The following PDZRN4 variants were observed in gnomAD, a reference collection of about 807,000 sequenced individuals.
PDZRN4 encodes PDZ domain-containing RING finger protein 4.
In PDZRN4, 70 loss-of-function variants were observed where a neutral mutation model predicts 99.0. The ratio of observed to expected loss-of-function variants is 0.71; its 90% confidence interval spans 0.58 to 0.86. The LOEUF (loss-of-function observed/expected upper bound fraction) is 0.86. PDZRN4 is among the 40% of genes least tolerant of loss of function. PDZRN4 has a pLI of 0.00. For synonymous variants in PDZRN4, 551 were observed against 501.6 expected, an observed-to-expected ratio of 1.10 and a Z score of -1.32; for missense variants, 1,474 against 1,331.2, an observed-to-expected ratio of 1.11 and a Z score of -1.67.
intron 7 of PDZRN4, among the ~76,000 whole-genome samples, chr12:41,559,464 T>G (rs1565615355): frequency 6.6e-6 from 1 of 152,020 alleles, no homozygotes; most frequent in Non-Finnish European, 1.5e-5. Flanking sequence ...ATAACAAGAG[T>G]AAAAGACCAC....
chr12:41,194,117 G>T lies in PDZRN4; in HGVS notation c.772G>T (p.Val258Phe). Reference sequence around the variant, plus strand: ...AGGAACATCGACTGAAGGAATTTACGTTTCAAAAATTTTAGAAAATGGACC... The same window carrying T: ...AGGAACATCGACTGAAGGAATTTACTTTTCAAAAATTTTAGAAAATGGACC... ...QEGTSTEGIY[V>F]SKILENGPAD... Residue 258 changes from valine to phenylalanine, a missense_variant, in exon 3 of 10, where the codon GTT (valine) becomes TTT (phenylalanine). Physicochemically the swap from Val to Phe is conservative, Grantham distance 50. Coordinates refer to ENST00000402685, the MANE Select transcript of PDZRN4 (RefSeq NM_001164595.2). The T allele has an allele frequency of 6.4e-7, 1 of 1,562,856 alleles. No homozygotes were observed.
chr12:41,200,659 C>T, intron 3 of PDZRN4, among the ~76,000 whole-genome samples: 1 of 152,056 alleles, frequency 6.6e-6, no homozygotes, highest in East Asian at 1.9e-4. Context: ...ATCGGAACAC[C>T]TGTAACATTA....
At chr12:41,212,542 A>T (rs1950895407) in intron 3 of PDZRN4, among the ~76,000 whole-genome samples, 1 of 152,044 alleles carries the variant, frequency 6.6e-6, no homozygotes, top group Admixed American at 6.6e-5. Flanking sequence ...TCTCTTTTTT[A>T]AAATATTAAT....
At chr12:41,414,057 C>T (rs1598893) in intron 3 of PDZRN4, among the ~76,000 whole-genome samples, 25,042 of 152,002 alleles carry the variant, frequency 0.16, 2,187 homozygotes, top group South Asian at 0.27. Context: ...AAATTTATTT[C>T]TCCACTTACT....
At chr12:41,221,720 G>T (rs1435466721) in intron 3 of PDZRN4, among the ~76,000 whole-genome samples, 3 of 152,058 alleles carry the variant, frequency 2.0e-5, no homozygotes, top group Non-Finnish European at 4.4e-5. Context: ...GAAAAAATCT[G>T]ATTAAGGGTG....
chr12:41,386,180 C>T (rs1159722342), intron 3 of PDZRN4, among the ~76,000 whole-genome samples: 2 of 152,016 alleles, frequency 1.3e-5, no homozygotes, highest in African/African-American at 4.8e-5. Context: ...TAATAAGAGC[C>T]ATCTATGACA....
At chr12:41,452,937 G>A (rs1340761001) in intron 3 of PDZRN4, among the ~76,000 whole-genome samples, 1 of 151,938 alleles carries the variant, frequency 6.6e-6, no homozygotes, top group African/African-American at 2.4e-5. Flanking sequence ...GTTGTCCCAG[G>A]AACAACACCT....
intron 3 of PDZRN4, among the ~76,000 whole-genome samples, chr12:41,240,608 G>T (rs1951095770): frequency 6.6e-6 from 1 of 152,128 alleles, no homozygotes; most frequent in Admixed American, 6.5e-5. Context: ...TAAATTAGGT[G>T]GCTTATAAAC....
intron 5 of PDZRN4, among the ~76,000 whole-genome samples, chr12:41,537,321 C>T (rs189127886): frequency 9.2e-5 from 14 of 152,286 alleles, no homozygotes; most frequent in Admixed American, 9.2e-4. Context: ...TTCTTACTTG[C>T]AAAGTTCTAT....
At chr12:41,563,388 G>A (rs893037808) in intron 7 of PDZRN4, among the ~76,000 whole-genome samples, 160 bp from the exon 8 acceptor site, 4 of 152,130 alleles carry the variant, frequency 2.6e-5, no homozygotes, top group African/African-American at 4.8e-5. Flanking sequence ...CAGTAAGCGC[G>A]TAATTGAGTG....
chr12:41,474,568 T>C (rs1213140517), intron 3 of PDZRN4, among the ~76,000 whole-genome samples: 1 of 152,226 alleles, frequency 6.6e-6, no homozygotes, highest in Non-Finnish European at 1.5e-5. Flanking sequence ...CTAGGGTCTG[T>C]GTTCTTATGC....
intron 3 of PDZRN4, among the ~76,000 whole-genome samples, chr12:41,413,584 T>C (rs1952416667): frequency 6.6e-6 from 1 of 152,188 alleles, no homozygotes; most frequent in African/African-American, 2.4e-5. Flanking sequence ...TATCCTGATA[T>C]GATCCCTATA....
At chr12:41,354,247 G>C (rs1001645289) in intron 3 of PDZRN4, among the ~76,000 whole-genome samples, 1 of 152,088 alleles carries the variant, frequency 6.6e-6, no homozygotes, top group African/African-American at 2.4e-5. Flanking sequence ...TTATTGCACT[G>C]ATGAAGAATT....
rs541883437 is a variant in PDZRN4 at position 41,470,551 on chromosome 12, G to T, written c.844-35905G>T. Among the ~76,000 whole-genome samples, 281 of 151,944 alleles carry T rather than the reference G, an allele frequency of 1.8e-3. 2 individuals are homozygous for T. Among genetic ancestry groups the T allele is most frequent in the African/African-American group, 6.4e-3 (263 of 41,414 alleles). On this transcript the variant is annotated intron_variant, in intron 3 of 9. Coordinates refer to ENST00000402685, the MANE Select transcript of PDZRN4 (RefSeq NM_001164595.2). ...GTTTTAGGGTACATGTGCACAACGT[G>T]CAGGTTTGTTACATATGTATACATG... is the stretch of plus-strand genomic sequence containing the variant.
At chr12:41,297,644 C>CT (rs1951504886) in intron 3 of PDZRN4, among the ~76,000 whole-genome samples, 1 of 152,158 alleles carries the variant, frequency 6.6e-6, no homozygotes, top group African/African-American at 2.4e-5. Flanking sequence ...CCAAGTGCCA[C>CT]TGGAGGGACA....
At chr12:41,572,186 A>C (rs1939494085) in intron 9 of PDZRN4, among the ~76,000 whole-genome samples, 178 bp from the exon 10 acceptor site, 1 of 152,214 alleles carries the variant, frequency 6.6e-6, no homozygotes, top group African/African-American at 2.4e-5. Flanking sequence ...TTCATTGTAT[A>C]AAAAGCTGCC....
chr12:41,547,021 T>A (rs1440889317), intron 5 of PDZRN4, among the ~76,000 whole-genome samples: 1 of 152,186 alleles, frequency 6.6e-6, no homozygotes, highest in Non-Finnish European at 1.5e-5. Context: ...TAATAAATGA[T>A]CATTTTAATA....
At chr12:41,364,004 T>C (rs370732465) in intron 3 of PDZRN4, among the ~76,000 whole-genome samples, 1 of 152,116 alleles carries the variant, frequency 6.6e-6, no homozygotes, top group African/African-American at 2.4e-5. Context: ...CGGAAGTAGA[T>C]ATTGTAAGTT....
chr12:41,496,603 C>T (rs1279611198), intron 3 of PDZRN4, among the ~76,000 whole-genome samples: 1 of 152,072 alleles, frequency 6.6e-6, no homozygotes, highest in Non-Finnish European at 1.5e-5. Flanking sequence ...CTGACCTTTG[C>T]TTGCCACTCA....
Sources: allele counts gnomAD v4.1 joint callset (sites outside exome capture counted in the v4.1 genomes callset), GRCh38; gene constraint gnomAD v4.1.1; transcripts MANE v1.5; gene names NCBI Gene and HGNC (gene_info 2026-07-23, HGNC 2026-07-21).